GTF2I: variants seen among roughly 807,000 people sequenced by gnomAD.
GTF2I encodes general transcription factor II-I.
GTF2I carries 12 observed loss-of-function variants against 67.6 expected under a neutral mutation model. The ratio of observed to expected loss-of-function variants is 0.18; its 90% CI spans 0.11 to 0.29. The LOEUF (loss-of-function observed/expected upper bound fraction) is 0.29, where lower values mean the gene tolerates loss of function less well. Ranked by LOEUF, GTF2I falls within the 10% of genes least tolerant of loss-of-function variation. The pLI is 1.00. For missense variants in GTF2I, 271 were observed against 580.1 expected, an observed-to-expected ratio of 0.47 and a Z score of 5.47; for synonymous variants, 149 against 197.0, an observed-to-expected ratio of 0.76 and a Z score of 2.04.
intron 12 of GTF2I, among the ~76,000 whole-genome samples, chr7:74,723,155 G>C (rs1476925583): frequency 7.6e-6 from 1 of 131,966 alleles, no homozygotes; most frequent in Non-Finnish European, 1.6e-5. Context: ...ACGGAGTTTC[G>C]CTCTGTCGCC....
intron 1 of GTF2I, among the ~76,000 whole-genome samples, chr7:74,678,832 C>T (rs985009197): frequency 2.6e-5 from 4 of 151,962 alleles, no homozygotes; most frequent in African/African-American, 9.7e-5. Flanking sequence ...AGTGCAGTGG[C>T]GCGATCTCGG....
chr7:74,705,524 A>G (rs1170500230), intron 7 of GTF2I, among the ~76,000 whole-genome samples: 3 of 151,656 alleles, frequency 2.0e-5, no homozygotes, highest in African/African-American at 7.3e-5. Flanking sequence ...GATAGATAGA[A>G]ATTAAAGTAC....
chr7:74,731,632 C>T (rs1180358057), intron 14 of GTF2I, among the ~76,000 whole-genome samples: 6 of 151,450 alleles, frequency 4.0e-5, no homozygotes, highest in Non-Finnish European at 8.8e-5. Context: ...GTAACCTCTG[C>T]CTCCCAGGTT....
intron 11 of GTF2I, among the ~76,000 whole-genome samples, chr7:74,717,523 A>G (rs1792408963): frequency 6.6e-6 from 1 of 152,114 alleles, no homozygotes; most frequent in African/African-American, 2.4e-5. Flanking sequence ...TCAACTTATC[A>G]TGTAGGGTGG....
intron 1 of GTF2I, among the ~76,000 whole-genome samples, chr7:74,679,900 G>A (rs1013181965): frequency 9.2e-5 from 14 of 151,580 alleles, no homozygotes; most frequent in Non-Finnish European, 1.8e-4. Flanking sequence ...GGCCAACGTG[G>A]TGAAACCCCA....
intron 1 of GTF2I, among the ~76,000 whole-genome samples, chr7:74,659,234 T>C (rs879992125): frequency 6.6e-6 from 1 of 151,914 alleles, no homozygotes; most frequent in Non-Finnish European, 1.5e-5. Flanking sequence ...AATTTTCTTT[T>C]TTTTTTTTAG....
chr7:74,719,648 G>A (rs587642533), intron 12 of GTF2I, among the ~76,000 whole-genome samples: 11 of 152,216 alleles, frequency 7.2e-5, no homozygotes, highest in East Asian at 1.9e-4. Flanking sequence ...AGCTGGGCAC[G>A]GTGGCTCACA....
At chr7:74,659,394 A>ATT (rs782262816) in intron 1 of GTF2I, among the ~76,000 whole-genome samples, 8 of 145,052 alleles carry the variant, frequency 5.5e-5, no homozygotes, top group Admixed American at 2.8e-4. Context: ...TGCCCTGCTA[A>ATT]TTTTTTTTTT....
intron 12 of GTF2I, among the ~76,000 whole-genome samples, chr7:74,725,519 C>A (rs1793645515): frequency 2.4e-5 from 3 of 124,342 alleles, no homozygotes; most frequent in African/African-American, 9.5e-5. Flanking sequence ...GGACCCCTAT[C>A]TCTACAAAAG....
At chr7:74,703,040 A>G (rs1413957039) in intron 6 of GTF2I, among the ~76,000 whole-genome samples, 1 of 152,112 alleles carries the variant, frequency 6.6e-6, no homozygotes, top group East Asian at 1.9e-4. Flanking sequence ...AATTGTGCTT[A>G]TTGGTCATCC....
intron 1 of GTF2I, among the ~76,000 whole-genome samples, chr7:74,678,918 T>G (rs1786952326): frequency 7.0e-6 from 1 of 143,714 alleles, no homozygotes; most frequent in African/African-American, 2.6e-5. Context: ...AATCCAGGTG[T>G]GCGCCACCAT....
intron 11 of GTF2I, 114 bp downstream of exon 11, chr7:74,717,064 G>C: frequency 7.0e-7 from 1 of 1,418,968 alleles, no homozygotes; most frequent in Non-Finnish European, 9.4e-7. Context: ...GATTCCCTTG[G>C]TATGCCTTCC....
chr7:74,674,680 A>G (rs1696523935), intron 1 of GTF2I, among the ~76,000 whole-genome samples: 1 of 151,106 alleles, frequency 6.6e-6, no homozygotes. Flanking sequence ...CTGGGATTAC[A>G]GGCATGAGCC....
intron 1 of GTF2I, among the ~76,000 whole-genome samples, chr7:74,680,200 TTG>T (rs1261324052): frequency 6.8e-6 from 1 of 147,160 alleles, no homozygotes; most frequent in Non-Finnish European, 1.5e-5. Flanking sequence ...TTATATATAT[TTG>T]TGTATATATA....
chr7:74,695,367 G>T (rs1437088449), intron 3 of GTF2I, among the ~76,000 whole-genome samples: 1 of 152,188 alleles, frequency 6.6e-6, no homozygotes, highest in Non-Finnish European at 1.5e-5. Flanking sequence ...ACTACAGAGA[G>T]ACCTTTCATG....
intron 1 of GTF2I, among the ~76,000 whole-genome samples, chr7:74,679,384 T>C (rs782045316): frequency 1.3e-5 from 2 of 151,038 alleles, no homozygotes; most frequent in Non-Finnish European, 3.0e-5. Context: ...TTCCATTTAT[T>C]TTTTTTTTAA....
chr7:74,752,720 GAA>G (rs57948219), intron 28 of GTF2I, among the ~76,000 whole-genome samples: 1 of 87,252 alleles, frequency 1.1e-5, no homozygotes, highest in African/African-American at 4.3e-5. Flanking sequence ...CTCCATCTGG[GAA>G]AAAAAAAAAA....
At chr7:74,666,527 C>CA (rs1403711951) in intron 1 of GTF2I, among the ~76,000 whole-genome samples, 2 of 54,894 alleles carry the variant, frequency 3.6e-5, no homozygotes, top group Non-Finnish European at 6.7e-5. Context: ...TCGTTTTCCC[C>CA]CCCGGTAAGC....
In GTF2I at chr7:74,735,446, C is replaced by T. The variant is rs587613519; in HGVS notation, c.1364-15C>T. Reference sequence around the variant, plus strand: ...CATTAAATTGAGAACACTTGTATTACTGTTATTTTGACAGTAAAGGAAGAA... The same window carrying T: ...CATTAAATTGAGAACACTTGTATTATTGTTATTTTGACAGTAAAGGAAGAA... On this transcript the variant is annotated splice_polypyrimidine_tract_variant and intron_variant, in intron 16 of 34. Coordinates refer to ENST00000573035, the MANE Select transcript of GTF2I (RefSeq NM_032999.4). 1.1e-4 allele frequency: 26 copies of T among 232,098 alleles called. No homozygotes were observed. In the African/African-American group the frequency reaches 1.9e-3, roughly 17 times the overall value. 14.4% of individuals were successfully genotyped at this position (232,098 alleles called of 1,614,324 possible).
Sources: allele counts gnomAD v4.1 joint callset (sites outside exome capture counted in the v4.1 genomes callset), GRCh38; gene constraint gnomAD v4.1.1; transcripts MANE v1.5; gene names NCBI Gene and HGNC (gene_info 2026-07-23, HGNC 2026-07-21).